ATP2B2: variants seen among roughly 807,000 people sequenced by gnomAD.
ATP2B2 encodes the protein plasma membrane calcium-transporting ATPase 2.
A neutral mutation model predicts 120.0 loss-of-function variants in ATP2B2; 15 were observed. That is an observed-to-expected ratio of 0.12 (90% confidence interval 0.08 to 0.19). ATP2B2 has a LOEUF of 0.19. ATP2B2 is among the 10% of genes least tolerant of loss of function. The pLI is 1.00. For synonymous variants in ATP2B2, 694 were observed against 700.3 expected (o/e 0.99, Z 0.14); for missense variants, 1,045 against 1,719.8 (o/e 0.61, Z 6.94).
At chr3:10,691,461 T>C (rs1414626548) in intron 1 of ATP2B2, among the ~76,000 whole-genome samples, 1 of 152,158 alleles carries the variant, frequency 6.6e-6, no homozygotes, top group Non-Finnish European at 1.5e-5. Flanking sequence ...CCTGGGCTTT[T>C]CCAGCTGTGG....
chr3:10,569,895 A>G (rs1023979142), intron 2 of ATP2B2, among the ~76,000 whole-genome samples: 3 of 152,182 alleles, frequency 2.0e-5, no homozygotes, highest in African/African-American at 7.2e-5. Flanking sequence ...TGGGATACCT[A>G]TTTGGCCAGA....
intron 1 of ATP2B2, among the ~76,000 whole-genome samples, chr3:10,637,965 T>A (rs886853815): frequency 6.6e-6 from 1 of 150,472 alleles, no homozygotes; most frequent in Non-Finnish European, 1.5e-5. Flanking sequence ...CTAGAAGCAA[T>A]GCAAGTGAGA....
At chr3:10,360,947 A>G (rs1390503772) in intron 12 of ATP2B2, among the ~76,000 whole-genome samples, 1 of 151,982 alleles carries the variant, frequency 6.6e-6, no homozygotes, top group Non-Finnish European at 1.5e-5. Context: ...CATGGCAACC[A>G]CTAATCTGTT....
chr3:10,578,519 C>A (rs1444055546), intron 2 of ATP2B2, among the ~76,000 whole-genome samples: 1 of 150,570 alleles, frequency 6.6e-6, no homozygotes, highest in African/African-American at 2.5e-5. Flanking sequence ...TGCACTCCAG[C>A]CTGGGTGACA....
At chr3:10,385,552 A>G (rs2061652788) in intron 7 of ATP2B2, among the ~76,000 whole-genome samples, 1 of 152,188 alleles carries the variant, frequency 6.6e-6, no homozygotes, top group Admixed American at 6.5e-5. Context: ...TCTTTCAAAT[A>G]AAGCATGGTG....
chr3:10,573,795 C>T lies in ATP2B2; in HGVS notation c.-414-39662G>A, dbSNP rs112952905. Reference sequence around the variant, plus strand: ...TTCTATACAAACTGTTCCACTGGGACGTCCTGGAGACTCCCTGACTAAACT... The same window carrying T: ...TTCTATACAAACTGTTCCACTGGGATGTCCTGGAGACTCCCTGACTAAACT... On this transcript the variant is annotated intron_variant, in intron 2 of 21. Transcript: ENST00000646379. Among the ~76,000 whole-genome samples, 721 of 152,324 alleles carry T rather than the reference C, an allele frequency of 4.7e-3. 8 individuals carry two copies. The highest frequency in any genetic ancestry group is 0.015 in the African/African-American group (619 of 41,556).
At chr3:10,675,535 G>A (rs914340947) in intron 1 of ATP2B2, among the ~76,000 whole-genome samples, 3 of 152,206 alleles carry the variant, frequency 2.0e-5, no homozygotes, top group East Asian at 1.9e-4. Context: ...CAGTCCTGGC[G>A]CCCCCATCAA....
At chr3:10,393,394 T>C (rs957786491) in intron 5 of ATP2B2, among the ~76,000 whole-genome samples, 2 of 152,152 alleles carry the variant, frequency 1.3e-5, no homozygotes, top group African/African-American at 4.8e-5. Context: ...GAATATCTTT[T>C]GAGCATTCAT....
At chr3:10,586,031 T>C (rs2068503486) in intron 2 of ATP2B2, among the ~76,000 whole-genome samples, 2 of 152,254 alleles carry the variant, frequency 1.3e-5, no homozygotes, top group Admixed American at 1.3e-4. Flanking sequence ...TCCCTGCCTT[T>C]GCCCAGCCTG....
At position 10,695,254 on chromosome 3, in the gene ATP2B2, GA is replaced by G. The variant is rs1173106910; in HGVS notation, c.-460+12660del. 5.6e-4 allele frequency among the ~76,000 whole-genome samples: 46 copies of G among 81,468 alleles called. 1 individual carries two copies. Among genetic ancestry groups the G allele is most frequent in the African/African-American group, 9.7e-4 (15 of 15,526 alleles). The allele number at this position is 81,468 out of a possible 152,430, so 53.4% of individuals were successfully genotyped here. On this transcript the variant is annotated intron_variant, in intron 1 of 21. Coordinates refer to the ATP2B2 transcript ENST00000646379. ...AGCAGGCAAAGGAGGGAGGGAGGGA[GA>G]GAGAGAGAGAGAGAGAGAGAGAGAG...
chr3:10,479,168 C>T lies in ATP2B2; in HGVS notation c.-320+26297G>A, dbSNP rs555849489. 2.7e-4 allele frequency among the ~76,000 whole-genome samples: 41 copies of T among 152,242 alleles called. 2 individuals are homozygous for T. Among genetic ancestry groups the T allele is most frequent in the Admixed American group, 1.1e-3 (17 of 15,292 alleles). On this transcript the variant is annotated intron_variant, in intron 1 of 22. Transcript: ENST00000360273. Reference sequence around the variant, plus strand: ...ACAGACTAATACACTGGCCTCTCTGCTGCCACTTGGAAAAGCAGTGCTGAT... The same window carrying T: ...ACAGACTAATACACTGGCCTCTCTGTTGCCACTTGGAAAAGCAGTGCTGAT...
rs1392914180 is a variant in ATP2B2 at position 10,343,046 on chromosome 3, C to G, written c.2704-81G>C. On this transcript the variant is annotated intron_variant, in intron 18 of 22. Coordinates refer to ENST00000360273, the MANE Select transcript of ATP2B2 (RefSeq NM_001001331.4). This position sits in a 1 kb window ranked among gnomAD's most constrained non-coding sequence, Gnocchi z 4.2. ...GCTGGGCGGGCTCATGGTGTAGTGT[C>G]CGCAGGCTCCTGCTGGAGGCTGGAG... 1 of 1,456,730 alleles carries G rather than the reference C, an allele frequency of 6.9e-7. No individual in the cohort carries two copies. The highest frequency in any genetic ancestry group is 1.4e-5 in the African/African-American group (1 of 71,688). 90.2% of individuals were successfully genotyped at this position (1,456,730 alleles called of 1,614,324 possible).
At chr3:10,576,677 G>T (rs1369388426) in intron 2 of ATP2B2, among the ~76,000 whole-genome samples, 1 of 151,982 alleles carries the variant, frequency 6.6e-6, no homozygotes, top group Non-Finnish European at 1.5e-5. Context: ...ACCACACCTG[G>T]CTCAGAATGA....
chr3:10,386,646 G>C (rs2061689769), intron 6 of ATP2B2, 134 bp from the exon 7 acceptor site: 1 of 1,009,914 alleles, frequency 9.9e-7, no homozygotes, highest in Admixed American at 1.9e-5. Flanking sequence ...CTGAAATGGG[G>C]ACATGTGGCG....
At chr3:10,671,171 T>C (rs1403700641) in intron 1 of ATP2B2, among the ~76,000 whole-genome samples, 3 of 152,226 alleles carry the variant, frequency 2.0e-5, no homozygotes, top group African/African-American at 7.2e-5. Flanking sequence ...AGGATCCCTC[T>C]TGAATCTCCC....
intron 1 of ATP2B2, among the ~76,000 whole-genome samples, chr3:10,703,983 C>T (rs80245127): frequency 0.049 from 7,495 of 152,234 alleles, 526 homozygotes; most frequent in African/African-American, 0.16. Context: ...TAGCCAACCC[C>T]GAGCCTGCTT....
chr3:10,582,172 A>T (rs1328172154), intron 2 of ATP2B2, among the ~76,000 whole-genome samples: 1 of 152,132 alleles, frequency 6.6e-6, no homozygotes, highest in African/African-American at 2.4e-5. Flanking sequence ...TCCAGGGAGA[A>T]ATCCTTAGTT....
rs188713646 is a variant in ATP2B2 at position 10,415,615 on chromosome 3, G to T, written c.200-4800C>A. Among the ~76,000 whole-genome samples, 96 of 152,312 alleles carry T rather than the reference G, an allele frequency of 6.3e-4. 3 individuals carry two copies. The highest frequency in any genetic ancestry group is 7.4e-5 in the Non-Finnish European group (5 of 68,014). On this transcript the variant is annotated intron_variant, in intron 2 of 22. Coordinates refer to ENST00000360273, the MANE Select transcript of ATP2B2 (RefSeq NM_001001331.4). The stretch of plus-strand genomic sequence containing the variant: ...ACCTGTCATGCCCTTCCCAGGAGCT[G>T]AATCTTGTGGTCTCCTTTCCTTTCT...
At chr3:10,386,459 C>T in intron 7 of ATP2B2, 21 bp downstream of exon 7, 2 of 1,613,472 alleles carry the variant, frequency 1.2e-6, no homozygotes, top group Non-Finnish European at 1.7e-6. Flanking sequence ...GCCCATCTAC[C>T]CTGAGGGTGT....
Sources: allele counts gnomAD v4.1 joint callset (sites outside exome capture counted in the v4.1 genomes callset), GRCh38; gene constraint gnomAD v4.1.1; non-coding constraint Gnocchi (gnomAD v3.1); transcripts MANE v1.5; gene names NCBI Gene and HGNC (gene_info 2026-07-23, HGNC 2026-07-21).